CAMKMT: variants seen among roughly 807,000 people sequenced by gnomAD.
CAMKMT encodes CaM KMT.
Under a neutral mutation model 48.0 loss-of-function variants are expected in CAMKMT, and 53 were observed. That is an observed-to-expected ratio of 1.10 (90% CI 0.89 to 1.39). CAMKMT has a LOEUF of 1.39. Ranked by LOEUF, CAMKMT falls within the 40% of genes most tolerant of loss-of-function variation. The pLI is 0.00. For missense variants in CAMKMT, 428 were observed against 402.7 expected, an observed-to-expected ratio of 1.06 and a Z score of -0.54; for synonymous variants, 165 against 152.3, an observed-to-expected ratio of 1.08 and a Z score of -0.61.
chr2:44,475,575 A>T (rs546338529), intron 3 of CAMKMT, among the ~76,000 whole-genome samples: 2 of 152,222 alleles, frequency 1.3e-5, no homozygotes, highest in East Asian at 3.9e-4. Flanking sequence ...CTTGGCTCCC[A>T]AAGTGCTGGG....
chr2:44,736,879 A>G (rs1420708109), intron 7 of CAMKMT, among the ~76,000 whole-genome samples: 1 of 152,040 alleles, frequency 6.6e-6, no homozygotes, highest in African/African-American at 2.4e-5. Flanking sequence ...CCATGTCTCT[A>G]CCTGATTCTT....
intron 3 of CAMKMT, among the ~76,000 whole-genome samples, chr2:44,579,791 C>T (rs1036651866): frequency 6.6e-6 from 1 of 152,172 alleles, no homozygotes; most frequent in African/African-American, 2.4e-5. Context: ...TGCCTGGGTG[C>T]AGCTGGGGGA....
intron 3 of CAMKMT, among the ~76,000 whole-genome samples, chr2:44,592,967 G>C (rs572814628): frequency 6.6e-6 from 1 of 152,216 alleles, no homozygotes; most frequent in South Asian, 2.1e-4. Flanking sequence ...TGTCCTTACT[G>C]GTTTCTGTAT....
At chr2:44,490,803 A>T (rs1669461592) in intron 3 of CAMKMT, among the ~76,000 whole-genome samples, 1 of 152,246 alleles carries the variant, frequency 6.6e-6, no homozygotes, top group African/African-American at 2.4e-5. Flanking sequence ...AATTGAACAA[A>T]CAGGAGGAGA....
chr2:44,440,781 C>A (rs1031573039), intron 3 of CAMKMT, among the ~76,000 whole-genome samples: 1 of 152,124 alleles, frequency 6.6e-6, no homozygotes, highest in Non-Finnish European at 1.5e-5. Flanking sequence ...TCTTAGAATT[C>A]TGTGCTATTG....
intron 3 of CAMKMT, among the ~76,000 whole-genome samples, chr2:44,595,294 G>A (rs1218134032): frequency 4.0e-5 from 6 of 151,870 alleles, no homozygotes; most frequent in African/African-American, 7.3e-5. Context: ...CAGCAATCCC[G>A]TTACTGGGTA....
At chr2:44,595,726 A>G (rs1670611750) in intron 3 of CAMKMT, among the ~76,000 whole-genome samples, 1 of 152,214 alleles carries the variant, frequency 6.6e-6, no homozygotes, top group Non-Finnish European at 1.5e-5. Flanking sequence ...AAAGACTTGG[A>G]ACCAACCTAA....
chr2:44,766,993 C>G (rs538223230), intron 10 of CAMKMT, among the ~76,000 whole-genome samples: 2 of 152,246 alleles, frequency 1.3e-5, no homozygotes, highest in South Asian at 4.1e-4. Context: ...TGCTTTATAG[C>G]TGGGTCAGTT....
At chr2:44,579,137 A>G (rs1669399557) in intron 3 of CAMKMT, among the ~76,000 whole-genome samples, 1 of 152,228 alleles carries the variant, frequency 6.6e-6, no homozygotes, top group African/African-American at 2.4e-5. Flanking sequence ...TCTTAAACTG[A>G]TATCAGCTAC....
intron 3 of CAMKMT, among the ~76,000 whole-genome samples, chr2:44,493,390 A>T (rs1367892617): frequency 6.6e-6 from 1 of 152,158 alleles, no homozygotes; most frequent in Admixed American, 6.5e-5. Context: ...TTAGTTCTGG[A>T]CTTCTACTCC....
intron 3 of CAMKMT, among the ~76,000 whole-genome samples, chr2:44,448,283 A>C (rs1348497399): frequency 2.6e-5 from 4 of 152,192 alleles, no homozygotes; most frequent in Non-Finnish European, 5.9e-5. Flanking sequence ...GTTGAAAAAA[A>C]ATCCACATAT....
intron 3 of CAMKMT, among the ~76,000 whole-genome samples, chr2:44,676,031 T>C (rs913002239): frequency 6.6e-6 from 1 of 152,218 alleles, no homozygotes. Flanking sequence ...CCAAATAATA[T>C]TCCATTGCAT....
intron 3 of CAMKMT, among the ~76,000 whole-genome samples, chr2:44,472,173 C>T (rs1410596102): frequency 2.0e-5 from 3 of 152,028 alleles, no homozygotes; most frequent in Non-Finnish European, 4.4e-5. Context: ...TGGGTTCACG[C>T]CATTCTTCTG....
chr2:44,547,391 G>A (rs1667466043), intron 3 of CAMKMT, among the ~76,000 whole-genome samples: 1 of 152,174 alleles, frequency 6.6e-6, no homozygotes. Context: ...TGACGTGGTG[G>A]TGCATGCCTG....
chr2:44,513,922 GA>G (rs1174944770), intron 3 of CAMKMT, among the ~76,000 whole-genome samples: 6 of 152,048 alleles, frequency 3.9e-5, no homozygotes, highest in African/African-American at 1.4e-4. Flanking sequence ...GCAACATGAT[GA>G]AACCCCGTCT....
chr2:44,696,653 G>A (rs112326594), intron 3 of CAMKMT, among the ~76,000 whole-genome samples: 100 of 152,090 alleles, frequency 6.6e-4, no homozygotes, highest in Non-Finnish European at 1.2e-3. Context: ...TATGCAGACT[G>A]AATGATGAGC....
chr2:44,370,994 A>T (rs1267462813), intron 1 of CAMKMT, among the ~76,000 whole-genome samples: 1 of 151,946 alleles, frequency 6.6e-6, no homozygotes, highest in Non-Finnish European at 1.5e-5. Context: ...TTATTTTAAA[A>T]TTTTTTTGAG....
intron 3 of CAMKMT, among the ~76,000 whole-genome samples, chr2:44,421,202 G>C (rs980157992): frequency 1.3e-5 from 2 of 152,088 alleles, no homozygotes; most frequent in African/African-American, 4.8e-5. Flanking sequence ...ACAATATTCT[G>C]CTATTCATTT....
chr2:44,456,364 A>G (rs776550060), intron 3 of CAMKMT, among the ~76,000 whole-genome samples: 12 of 152,184 alleles, frequency 7.9e-5, no homozygotes, highest in Non-Finnish European at 1.6e-4. Flanking sequence ...TATTGTAAAG[A>G]ATAGGTTATC....
Sources: allele counts gnomAD v4.1 joint callset (sites outside exome capture counted in the v4.1 genomes callset), GRCh38; gene constraint gnomAD v4.1.1; transcripts MANE v1.5; gene names NCBI Gene and HGNC (gene_info 2026-07-23, HGNC 2026-07-21).